The following AGPS variants were observed in gnomAD, a reference collection of about 807,000 sequenced individuals.
AGPS encodes the protein alkylglycerone phosphate synthase.
Under a neutral mutation model 90.7 loss-of-function variants are expected in AGPS, and 26 were observed. The ratio of observed to expected loss-of-function variants is 0.29; its 90% CI spans 0.21 to 0.40. The LOEUF is 0.40. Ranked by LOEUF, AGPS falls within the 10% of genes least tolerant of loss-of-function variation. The pLI, the probability that AGPS is intolerant of heterozygous loss-of-function variation, is 1.00. For synonymous variants in AGPS, 294 were observed against 285.3 expected (o/e 1.03, Z -0.31); for missense variants, 540 against 816.1 (o/e 0.66, Z 4.12).
intron 10 of AGPS, among the ~76,000 whole-genome samples, chr2:177,473,285 A>G (rs1005606506): frequency 6.6e-6 from 1 of 152,206 alleles, no homozygotes; most frequent in African/African-American, 2.4e-5. Context: ...GAAAAGATTC[A>G]TAATCAAATG....
chr2:177,504,705 T>C (rs935426), intron 14 of AGPS, among the ~76,000 whole-genome samples: 127,988 of 152,020 alleles, frequency 0.84, 54,077 homozygotes, highest in East Asian at 0.95. Context: ...TTAATTGAGG[T>C]GATAAGATAA....
chr2:177,521,324 T>C lies in AGPS; in HGVS notation c.1753T>C (p.Tyr585His). 6.2e-7 allele frequency: 1 copy of C among 1,614,120 alleles called. No homozygotes were observed. Among genetic ancestry groups the C allele is most frequent in the Non-Finnish European group, 8.5e-7 (1 of 1,179,962 alleles). Residue 585 changes from tyrosine to histidine, a missense_variant, in exon 18 of 20, where the codon TAC becomes CAC. Physicochemically the swap from Tyr to His is moderately conservative, Grantham distance 83. Around this residue, in one of 2 missense-constraint regions of AGPS, gnomAD observed 405 missense variants for 692.1 expected, o/e 0.59. Transcript: ENST00000264167. Reference sequence around the variant, plus strand: ...TATCTACTTCTATTTTGCCTTTAACTACAGGGGAATTAGTGACCCACTGAC... The same window carrying C: ...TATCTACTTCTATTTTGCCTTTAACCACAGGGGAATTAGTGACCCACTGAC... ...ACIYFYFAFN[Y>H]RGISDPLTVF... is the part of the protein sequence containing the mutation.
At chr2:177,448,208 TC>T (rs1686833469) in intron 8 of AGPS, among the ~76,000 whole-genome samples, 1 of 152,194 alleles carries the variant, frequency 6.6e-6, no homozygotes, top group Non-Finnish European at 1.5e-5. Context: ...GGCAAGTTAC[TC>T]ACCTTTAAGC....
intron 1 of AGPS, among the ~76,000 whole-genome samples, chr2:177,407,808 T>A (rs1459876647): frequency 1.9e-4 from 29 of 149,910 alleles, no homozygotes; most frequent in South Asian, 6.3e-4. Flanking sequence ...TTTTTTTTTT[T>A]TAAAAAAAAG....
At chr2:177,470,964 CT>C (rs1687602640) in intron 10 of AGPS, among the ~76,000 whole-genome samples, 1 of 151,984 alleles carries the variant, frequency 6.6e-6, no homozygotes, top group South Asian at 2.1e-4. Context: ...AATTATTCAT[CT>C]TCGTAAGTGT....
intron 13 of AGPS, among the ~76,000 whole-genome samples, chr2:177,498,641 GT>G (rs1688477603): frequency 6.7e-6 from 1 of 149,868 alleles, no homozygotes; most frequent in Admixed American, 6.7e-5. Context: ...AAAAAAAAAA[GT>G]CTTTATTACT....
intron 8 of AGPS, among the ~76,000 whole-genome samples, chr2:177,459,802 A>G (rs1175575992): frequency 6.6e-6 from 1 of 152,234 alleles, no homozygotes; most frequent in Non-Finnish European, 1.5e-5. Context: ...TGACCCAGCA[A>G]TCCCATTACT....
At chr2:177,420,016 T>C (rs920206488) in intron 1 of AGPS, among the ~76,000 whole-genome samples, 3 of 151,900 alleles carry the variant, frequency 2.0e-5, no homozygotes, top group South Asian at 2.1e-4. Flanking sequence ...TGCAACTTTT[T>C]ATTTCTTCCT....
intron 19 of AGPS, among the ~76,000 whole-genome samples, chr2:177,534,220 C>T (rs949495639): frequency 6.6e-6 from 1 of 152,198 alleles, no homozygotes; most frequent in African/African-American, 2.4e-5. Flanking sequence ...AGATTGGCCT[C>T]CATGTCCACA....
At chr2:177,442,759 C>T (rs1355333435) in intron 7 of AGPS, among the ~76,000 whole-genome samples, 1 of 149,228 alleles carries the variant, frequency 6.7e-6, no homozygotes, top group Non-Finnish European at 1.5e-5. Context: ...AGACATAAGA[C>T]TCGCTTGAAC....
intron 8 of AGPS, among the ~76,000 whole-genome samples, chr2:177,446,995 T>A (rs1166286019): frequency 6.6e-6 from 1 of 152,164 alleles, no homozygotes; most frequent in Non-Finnish European, 1.5e-5. Context: ...GAAAATAAAT[T>A]GGTTCCTTCA....
chr2:177,448,037 G>C (rs1343982711), intron 8 of AGPS, among the ~76,000 whole-genome samples: 1 of 151,754 alleles, frequency 6.6e-6, no homozygotes, highest in Non-Finnish European at 1.5e-5. Context: ...TTAAATCTTT[G>C]GCTACTTTTA....
chr2:177,482,232 T>C, intron 11 of AGPS, 46 bp downstream of exon 11: 2 of 1,086,700 alleles, frequency 1.8e-6, no homozygotes, highest in South Asian at 3.3e-5. Flanking sequence ...TATATGTTTA[T>C]GTATTTATAT....
chr2:177,418,016 A>G (rs982669683), intron 1 of AGPS, among the ~76,000 whole-genome samples: 6 of 152,102 alleles, frequency 3.9e-5, no homozygotes, highest in African/African-American at 1.4e-4. Context: ...TCTAGATTTT[A>G]ATTGTATATG....
intron 10 of AGPS, among the ~76,000 whole-genome samples, chr2:177,472,485 G>A (rs1480331138): frequency 6.6e-6 from 1 of 151,964 alleles, no homozygotes; most frequent in Non-Finnish European, 1.5e-5. Context: ...CTTGATTGAT[G>A]ATATTTAATT....
rs188236208 is a variant in AGPS, at chr2:177,404,289, A to G, written c.260+11240A>G. 2.6e-4 allele frequency among the ~76,000 whole-genome samples: 39 copies of G among 152,276 alleles called. No homozygotes were observed. In the East Asian group the frequency reaches 6.8e-3, roughly 26 times the overall value. Reference sequence around the variant, plus strand: ...GCCTGGGTCTATGGGGGTAATGAGAAGGAGGGAGAGCTAAGACGACTGGCC... The same window carrying G: ...GCCTGGGTCTATGGGGGTAATGAGAGGGAGGGAGAGCTAAGACGACTGGCC... On this transcript the variant is annotated intron_variant, in intron 1 of 19. Coordinates refer to ENST00000264167, the MANE Select transcript of AGPS (RefSeq NM_003659.4).
intron 11 of AGPS, among the ~76,000 whole-genome samples, chr2:177,485,316 A>G (rs1024091001): frequency 6.6e-6 from 1 of 152,202 alleles, no homozygotes; most frequent in African/African-American, 2.4e-5. Context: ...ATGTAAATCT[A>G]TCTTAAATTT....
chr2:177,527,807 G>T (rs546598419), intron 19 of AGPS, among the ~76,000 whole-genome samples: 23 of 152,088 alleles, frequency 1.5e-4, no homozygotes, highest in African/African-American at 5.1e-4. Flanking sequence ...AACGTTTGAT[G>T]GCATATTAAT....
At chr2:177,400,632 T>G (rs767832343) in intron 1 of AGPS, among the ~76,000 whole-genome samples, 7 of 152,206 alleles carry the variant, frequency 4.6e-5, no homozygotes, top group Non-Finnish European at 1.0e-4. Flanking sequence ...TGTTATATGA[T>G]TGCATATAAC....
Sources: allele counts gnomAD v4.1 joint callset (sites outside exome capture counted in the v4.1 genomes callset), GRCh38; gene constraint gnomAD v4.1.1; regional missense constraint gnomAD v4.1.1; transcripts MANE v1.5; gene names NCBI Gene and HGNC (gene_info 2026-07-23, HGNC 2026-07-21).